OR6N1: variants seen among roughly 807,000 people sequenced by gnomAD.
OR6N1 encodes olfactory receptor family 6 subfamily N member 1, also known as olfactory receptor 6N1.
For synonymous variants in OR6N1, 170 were observed against 150.7 expected, an observed-to-expected ratio of 1.13 and a Z score of -0.94; for missense variants, 394 against 371.7, an observed-to-expected ratio of 1.06 and a Z score of -0.49.
upstream of OR6N1, chr1:158,772,217 T>C (rs926591894): frequency 1.3e-5 from 2 of 152,152 alleles, no homozygotes; most frequent in African/African-American, 4.8e-5. Flanking sequence ...AGTTAAACCA[T>C]AAAACAAATT....
In OR6N1 at chr1:158,765,909, C is replaced by T; in HGVS notation, c.774G>A (p.Met258Ile). 2 of 1,614,158 alleles carry T rather than the reference C, an allele frequency of 1.2e-6. No individual in the cohort carries two copies. Among genetic ancestry groups the T allele is most frequent in the Non-Finnish European group, 1.7e-6 (2 of 1,180,010 alleles). The change falls in exon 2 of 2, where the codon ATG becomes ATA. Residue 258 changes from methionine to isoleucine, a missense_variant. Physicochemically the swap from Met to Ile is conservative, Grantham distance 10 (BLOSUM62 1). Coordinates refer to ENST00000641846, the MANE Select transcript of OR6N1 (RefSeq NM_001005185.2). The stretch of plus-strand genomic sequence containing the variant: ...AGTAGCTCTTCTTCAGCTGCACATA[C>T]ATGGAAAGGATGCTCCCATAGAAGA... ...VLIFYGSILSMYVQLKKSYSL... is the reference protein window; with the variant it reads ...VLIFYGSILSIYVQLKKSYSL...
At chr1:158,818,720 C>T in the OR6N1 span, among the ~76,000 whole-genome samples, 1 of 152,164 alleles carries the variant, frequency 6.6e-6, no homozygotes, top group African/African-American at 2.4e-5. Flanking sequence ...TAAACATTTC[C>T]TTATCAGTTT....
chr1:158,794,203 C>T, the OR6N1 span, among the ~76,000 whole-genome samples: 1 of 152,108 alleles, frequency 6.6e-6, no homozygotes, highest in Non-Finnish European at 1.5e-5. Context: ...TAGTAGTAAT[C>T]ATTGGGGAGA....
intron 1 of OR6N1, among the ~76,000 whole-genome samples, chr1:158,769,012 T>C (rs1344334704): frequency 6.6e-6 from 1 of 152,192 alleles, no homozygotes; most frequent in Non-Finnish European, 1.5e-5. Flanking sequence ...CCTAGAGCCA[T>C]GTCTGAAATA....
chr1:158,793,703 T>C, the OR6N1 span, among the ~76,000 whole-genome samples: 1 of 152,228 alleles, frequency 6.6e-6, no homozygotes, highest in Non-Finnish European at 1.5e-5. Context: ...TGTGCACTTT[T>C]TAAATTTTTT....
chr1:158,767,053 A>G (rs758640676), intron 1 of OR6N1, among the ~76,000 whole-genome samples: 3 of 152,210 alleles, frequency 2.0e-5, no homozygotes, highest in African/African-American at 7.2e-5. Context: ...CATATTGTTC[A>G]TCTAAGGTAA....
the OR6N1 span, among the ~76,000 whole-genome samples, chr1:158,797,477 A>G: frequency 6.6e-6 from 1 of 152,076 alleles, no homozygotes; most frequent in South Asian, 2.1e-4. Context: ...GGGTTCTGGG[A>G]TATTGCTAGT....
At chr1:158,798,684 G>A in the OR6N1 span, among the ~76,000 whole-genome samples, 1 of 152,020 alleles carries the variant, frequency 6.6e-6, no homozygotes, top group African/African-American at 2.4e-5. Flanking sequence ...TTTATTCCAT[G>A]TGCCTCCAGT....
the OR6N1 span, among the ~76,000 whole-genome samples, chr1:158,835,642 T>C: frequency 1.3e-5 from 2 of 148,810 alleles, no homozygotes; most frequent in African/African-American, 2.5e-5. Context: ...TGTTAAACCC[T>C]CAGTACTATC....
chr1:158,789,273 A>G, the OR6N1 span, among the ~76,000 whole-genome samples: 2 of 152,142 alleles, frequency 1.3e-5, no homozygotes, highest in South Asian at 2.1e-4. Context: ...CTGATTCCAC[A>G]TTTTGGCTAT....
chr1:158,801,906 T>C, the OR6N1 span, among the ~76,000 whole-genome samples: 1 of 152,196 alleles, frequency 6.6e-6, no homozygotes, highest in Non-Finnish European at 1.5e-5. Context: ...GACATTAGAA[T>C]TTACAACATC....
chr1:158,805,291 T>C, the OR6N1 span, among the ~76,000 whole-genome samples: 1 of 152,236 alleles, frequency 6.6e-6, no homozygotes, highest in Non-Finnish European at 1.5e-5. Context: ...TTACTGTCTA[T>C]GTTGCTAGAG....
the OR6N1 span, among the ~76,000 whole-genome samples, chr1:158,820,262 G>A: frequency 2.6e-5 from 4 of 152,276 alleles, no homozygotes; most frequent in South Asian, 8.3e-4. Flanking sequence ...GGGCGTCAAG[G>A]CCATCATGAG....
At chr1:158,777,319 GAGTGGAAGA>G in the OR6N1 span, 2 of 1,614,038 alleles carry the variant, frequency 1.2e-6, no homozygotes, top group African/African-American at 2.7e-5. Context: ...CGCTCCCAAG[GAGTGGAAGA>G]AGTAGGTCTG....
the OR6N1 span, among the ~76,000 whole-genome samples, chr1:158,797,521 G>T: frequency 6.6e-6 from 1 of 152,198 alleles, no homozygotes; most frequent in East Asian, 1.9e-4. Context: ...ATATTTTGTT[G>T]TTTGTTTTTT....
At chr1:158,837,218 T>C in the OR6N1 span, among the ~76,000 whole-genome samples, 1 of 151,864 alleles carries the variant, frequency 6.6e-6, no homozygotes, top group Admixed American at 6.6e-5. Flanking sequence ...ATATAATTGG[T>C]CTATAAGTGG....
At chr1:158,824,152 C>G in the OR6N1 span, among the ~76,000 whole-genome samples, 1 of 152,062 alleles carries the variant, frequency 6.6e-6, no homozygotes, top group East Asian at 1.9e-4. Flanking sequence ...GGAACTGGTA[C>G]AAGGTAATTG....
chr1:158,774,733 G>A (rs1271117541), upstream of OR6N1: 3 of 151,786 alleles, frequency 2.0e-5, no homozygotes, highest in Non-Finnish European at 4.4e-5. Flanking sequence ...TACAGATCCA[G>A]AAAATTAACC....
At chr1:158,832,170 A>G in the OR6N1 span, among the ~76,000 whole-genome samples, 1 of 152,094 alleles carries the variant, frequency 6.6e-6, no homozygotes, top group African/African-American at 2.4e-5. Flanking sequence ...TTTTTGTGGC[A>G]AGGTATAATG....
Sources: allele counts gnomAD v4.1 joint callset (sites outside exome capture counted in the v4.1 genomes callset), GRCh38; gene constraint gnomAD v4.1.1; transcripts MANE v1.5; gene names NCBI Gene and HGNC (gene_info 2026-07-23, HGNC 2026-07-21).